SENP5: variants seen among roughly 807,000 people sequenced by gnomAD.
The protein encoded by SENP5 is sentrin-specific protease 5.
In SENP5, 21 loss-of-function variants were observed where a neutral mutation model predicts 74.2. That is an observed-to-expected ratio of 0.28 (90% confidence interval 0.20 to 0.41). The LOEUF is 0.41. SENP5 is among the 10% of genes least tolerant of loss of function. The pLI is 1.00. For synonymous variants in SENP5, 311 were observed against 312.7 expected, an observed-to-expected ratio of 0.99 and a Z score of 0.06; for missense variants, 717 against 889.1, an observed-to-expected ratio of 0.81 and a Z score of 2.46.
chr3:196,910,471 C>A (rs923723509), intron 6 of SENP5, among the ~76,000 whole-genome samples: 2 of 150,400 alleles, frequency 1.3e-5, no homozygotes, highest in Admixed American at 1.3e-4. Flanking sequence ...CTCAGCCTCC[C>A]GAGTAGGTGG....
intron 9 of SENP5, among the ~76,000 whole-genome samples, chr3:196,930,591 C>A (rs929342770): frequency 6.6e-6 from 1 of 152,096 alleles, no homozygotes; most frequent in Non-Finnish European, 1.5e-5. Context: ...GGTTGCTCAC[C>A]CCTTATGAGA....
At chr3:196,915,941 G>A (rs1016731623) in intron 6 of SENP5, among the ~76,000 whole-genome samples, 2 of 152,154 alleles carry the variant, frequency 1.3e-5, no homozygotes, top group Admixed American at 1.3e-4. Context: ...TCTCAAGAAG[G>A]ACAGATAAAA....
Position 196,879,414 on chromosome 3 carries a change from T to C in SENP5, c.-31-5737T>C, listed in dbSNP as rs1236784655. Among the ~76,000 whole-genome samples, 3 of 152,348 alleles carry C rather than the reference T, an allele frequency of 2.0e-5. No individual in the cohort carries two copies. In the East Asian group the frequency reaches 5.8e-4, roughly 29 times the overall value. ...TTTGTTTAGTGTTCTCTGTACCTAC[T>C]ACTAACTGCAAACTCTCTTCTGGTT... On this transcript the variant is annotated intron_variant, in intron 1 of 9. Transcript: ENST00000323460.
chr3:196,931,800 G>T lies in SENP5; in HGVS notation c.*877G>T, dbSNP rs1403795244. 2.3e-5 allele frequency: 8 copies of T among 347,278 alleles called. No homozygotes were observed. Among genetic ancestry groups the T allele is most frequent in the Non-Finnish European group, 4.6e-5 (8 of 175,202 alleles). The allele number at this position is 347,278 out of a possible 1,614,324, so 21.5% of individuals were successfully genotyped here. A position where few individuals can be genotyped will look rare whatever the true frequency, so the allele number is the denominator to read the frequency against. On this transcript the variant is annotated 3_prime_UTR_variant, in exon 10 of 10. Transcript: ENST00000323460. ...GTAATTTTTAAGTTGTCATTTCCCT[G>T]TGTTGCCTCCCAATTGGAAGAAGTT...
chr3:196,926,354 C>T (rs60742251), intron 7 of SENP5, among the ~76,000 whole-genome samples: 35,428 of 151,182 alleles, frequency 0.23, 4,407 homozygotes, highest in African/African-American at 0.33. Context: ...TGGTGGTGCA[C>T]GCCTGTAGTC....
chr3:196,917,645 A>C (rs1214458751), intron 6 of SENP5, among the ~76,000 whole-genome samples: 1 of 152,226 alleles, frequency 6.6e-6, no homozygotes, highest in Non-Finnish European at 1.5e-5. Context: ...TTTACAGGCC[A>C]GGAGGGAGTG....
rs77011183 is a variant in SENP5 at position 196,875,554 on chromosome 3, T to G, written c.-32+7481T>G. On this transcript the variant is annotated intron_variant, in intron 1 of 9. Coordinates refer to ENST00000323460, the MANE Select transcript of SENP5 (RefSeq NM_152699.5). Reference sequence around the variant, plus strand: ...TGCCTCTAAGTGTTACTGAAGTTCTTTCCATTCCTTGAAATACTGAATTCC... The same window carrying G: ...TGCCTCTAAGTGTTACTGAAGTTCTGTCCATTCCTTGAAATACTGAATTCC... Among the ~76,000 whole-genome samples, 147 of 152,240 alleles carry G rather than the reference T, an allele frequency of 9.7e-4. 1 individual carries two copies. Among genetic ancestry groups the G allele is most frequent in the African/African-American group, 3.3e-3 (138 of 41,558 alleles).
rs1716106092 is a variant in SENP5, at chr3:196,933,061, G to C, written c.*2138G>C. Reference sequence around the variant, plus strand: ...GAGTCAGAGTCTCACTGTCCCTCAGGCTGGAGTGCAATGGCGCAATCTTGC... The same window carrying C: ...GAGTCAGAGTCTCACTGTCCCTCAGCCTGGAGTGCAATGGCGCAATCTTGC... On this transcript the variant is annotated 3_prime_UTR_variant, in exon 10 of 10. Transcript: ENST00000323460. The C allele has an allele frequency of 1.5e-5, 2 of 129,232 alleles. No homozygotes were observed. Among genetic ancestry groups the C allele is most frequent in the African/African-American group, 5.7e-5 (2 of 35,146 alleles). 8.0% of individuals were successfully genotyped at this position (129,232 alleles called of 1,614,324 possible).
At chr3:196,888,512 A>G (rs533024219) in intron 2 of SENP5, among the ~76,000 whole-genome samples, 17 of 151,992 alleles carry the variant, frequency 1.1e-4, no homozygotes, top group Non-Finnish European at 2.2e-4. Context: ...TGAACCTGGG[A>G]GGCGGAGGTT....
At chr3:196,922,329 T>C (rs1365757538) in intron 6 of SENP5, among the ~76,000 whole-genome samples, 5 of 152,166 alleles carry the variant, frequency 3.3e-5, no homozygotes, top group Admixed American at 2.0e-4. Flanking sequence ...GAGCCACAAT[T>C]TGAACTTGAG....
In SENP5 at chr3:196,891,331, TTG is replaced by T. The variant is rs1468999768; in HGVS notation, c.1513+4640_1513+4641del. Among the ~76,000 whole-genome samples, 5 of 152,074 alleles carry T rather than the reference TTG, an allele frequency of 3.3e-5. No individual in the cohort carries two copies. The East Asian group carries it at 9.6e-4, about 29-fold the overall frequency. ...GACTGTTAATGGGTATAGAGTTTCT[TTG>T]TGGGGTAATGGAGGTGTTCTGGAAT... On this transcript the variant is annotated intron_variant, in intron 2 of 9. Coordinates refer to ENST00000323460, the MANE Select transcript of SENP5 (RefSeq NM_152699.5).
chr3:196,918,184 G>A (rs1160291182), intron 6 of SENP5, among the ~76,000 whole-genome samples: 2 of 151,804 alleles, frequency 1.3e-5, no homozygotes, highest in East Asian at 1.9e-4. Flanking sequence ...GCGGGCGCCT[G>A]TAGTCCCAGC....
chr3:196,919,621 C>T (rs981627451), intron 6 of SENP5, among the ~76,000 whole-genome samples: 3 of 152,068 alleles, frequency 2.0e-5, no homozygotes, highest in Admixed American at 6.6e-5. Context: ...TGGAGAAACC[C>T]CGTGTCTACT....
Position 196,886,261 on chromosome 3 carries a change from C to T in SENP5, c.1080C>T (p.Ser360=), listed in dbSNP as rs533621276. ...GSATNAWDQS[S]CSSPKWECTE... ...CCACAAACGCCTGGGACCAGTCATC[C>T]TGTTCTTCTCCTAAGTGGGAGTGTA... The change falls in exon 2 of 10, where the codon TCC becomes TCT. Residue 360 remains serine (S), a synonymous_variant. Transcript: ENST00000323460. 2.7e-5 allele frequency: 43 copies of T among 1,614,010 alleles called. No homozygotes were observed. The highest frequency in any genetic ancestry group is 4.0e-5 in the African/African-American group (3 of 74,934).
rs752315360 is a variant in SENP5 at position 196,885,996 on chromosome 3, C to G, written c.815C>G (p.Thr272Ser). The change falls in exon 2 of 10, where the codon ACT becomes AGT. Residue 272 changes from threonine to serine, a missense_variant. Transcript: ENST00000323460. ...KAQRSWVQKV[T>S]GDHQETRREN... ...CAGCGAAGCTGGGTACAGAAAGTCA[C>G]TGGGGACCATCAAGAGACCCGTAGG... is the stretch of plus-strand genomic sequence containing the variant. 1.4e-5 allele frequency: 22 copies of G among 1,614,094 alleles called. No individual in the cohort carries two copies. Among genetic ancestry groups the G allele is most frequent in the Non-Finnish European group, 1.7e-5 (20 of 1,180,050 alleles).
chr3:196,890,065 G>T (rs1714139507), intron 2 of SENP5, among the ~76,000 whole-genome samples: 1 of 152,188 alleles, frequency 6.6e-6, no homozygotes, highest in Non-Finnish European at 1.5e-5. Flanking sequence ...AGCTGCTGGG[G>T]TTCTTAGTGT....
rs140492937 is a variant in SENP5, at chr3:196,916,295, C to A, written c.1885-7119C>A. Among the ~76,000 whole-genome samples, 189 of 152,120 alleles carry A rather than the reference C, an allele frequency of 1.2e-3. 2 individuals are homozygous for A. The East Asian group carries it at 0.033, about 27-fold the overall frequency. On this transcript the variant is annotated intron_variant, in intron 6 of 9. Transcript: ENST00000323460. ...TGAGCCGAGATCATGCCATTGCACT[C>A]AAGCCTGGGTGACAAGAATGAAACT...
chr3:196,905,476 G>T (rs1714864988), intron 6 of SENP5, among the ~76,000 whole-genome samples: 1 of 152,168 alleles, frequency 6.6e-6, no homozygotes, highest in African/African-American at 2.4e-5. Flanking sequence ...TGAAACTTCT[G>T]ACCAACAGAC....
chr3:196,884,938 A>G (rs556338865), intron 1 of SENP5, among the ~76,000 whole-genome samples: 1 of 152,330 alleles, frequency 6.6e-6, no homozygotes, highest in East Asian at 1.9e-4. Flanking sequence ...GGTGTACAGC[A>G]AATGGCTTTT....
Sources: allele counts gnomAD v4.1 joint callset (sites outside exome capture counted in the v4.1 genomes callset), GRCh38; gene constraint gnomAD v4.1.1; transcripts MANE v1.5; gene names NCBI Gene and HGNC (gene_info 2026-07-23, HGNC 2026-07-21).